Variants in NANOG observed in about 807,000 individuals in gnomAD.
NANOG encodes Nanog homeobox, also known as homeobox protein NANOG.
In NANOG, 2 loss-of-function variants were observed where a neutral mutation model predicts 17.7. The ratio of observed to expected loss-of-function variants is 0.11; its 90% CI spans 0.05 to 0.36. NANOG has a LOEUF of 0.36. NANOG is among the 10% of genes least tolerant of loss of function. NANOG has a pLI of 1.00. For synonymous variants in NANOG, 81 were observed against 124.7 expected (o/e 0.65, Z 2.33); for missense variants, 174 against 362.1 (o/e 0.48, Z 4.22).
At position 7,797,422 on chromosome 12, in the gene NANOG, A is replaced by G. The variant is rs1473013384; in HGVS notation, c.*2327A>G. 2.0e-5 allele frequency: 3 copies of G among 146,854 alleles called. No homozygotes were observed. The highest frequency in any genetic ancestry group is 2.2e-4 in the South Asian group (1 of 4,614). The allele number at this position is 146,854 out of a possible 1,614,324, so 9.1% of individuals were successfully genotyped here. On this transcript the variant is annotated 3_prime_UTR_variant, in exon 4 of 4. Coordinates refer to ENST00000229307, the MANE Select transcript of NANOG (RefSeq NM_024865.4). ...ACTCAGGCTGGAGCACAATGATGCAATCTCTACTCACTGCAACCTGCACCT... is the reference window on the plus strand; with the variant it reads ...ACTCAGGCTGGAGCACAATGATGCAGTCTCTACTCACTGCAACCTGCACCT...
In NANOG at chr12:7,792,996, T is replaced by A; in HGVS notation, c.198T>A (p.Pro66=). The stretch of plus-strand genomic sequence containing the variant: ...TGGATCTGCTTATTCAGGACAGCCC[T>A]GATTCTTCCACCAGTCCCAAAGGCA... The part of the protein sequence containing the change: ...SSMDLLIQDS[P]DSSTSPKGKQ... Residue 66 remains proline (P), a synonymous_variant, in exon 2 of 4, where the codon CCT becomes CCA. Coordinates refer to ENST00000229307, the MANE Select transcript of NANOG (RefSeq NM_024865.4). The A allele has an allele frequency of 6.2e-7, 1 of 1,610,172 alleles. No individual in the cohort carries two copies. Among genetic ancestry groups the A allele is most frequent in the Non-Finnish European group, 8.5e-7 (1 of 1,178,068 alleles).
intron 2 of NANOG, among the ~76,000 whole-genome samples, 169 bp from the exon 3 acceptor site, chr12:7,794,288 G>A (rs1862885801): frequency 1.3e-5 from 2 of 152,242 alleles, no homozygotes; most frequent in South Asian, 4.1e-4. Flanking sequence ...TGGCTAGCCT[G>A]TAGCGAACTC....
chr12:7,793,155 C>T lies in NANOG; in HGVS notation c.357C>T (p.Tyr119=), dbSNP rs1372581437. The T allele has an allele frequency of 6.2e-7, 1 of 1,611,730 alleles. No homozygotes were observed. The highest frequency in any genetic ancestry group is 1.7e-5 in the Admixed American group (1 of 59,906). ...VLNDRFQRQK[Y]LSLQQMQELS... Reference sequence around the variant, plus strand: ...ATGATAGATTTCAGAGACAGAAATACCTCAGCCTCCAGCAGATGCAAGAAC... The same window carrying T: ...ATGATAGATTTCAGAGACAGAAATATCTCAGCCTCCAGCAGATGCAAGAAC... Residue 119 remains tyrosine (Y), a synonymous_variant, in exon 2 of 4, where the codon TAC becomes TAT. Coordinates refer to ENST00000229307, the MANE Select transcript of NANOG (RefSeq NM_024865.4).
rs1197089938 is a variant in NANOG at position 7,797,862 on chromosome 12, T to C, written c.*2767T>C. 2.0e-5 allele frequency: 3 copies of C among 152,082 alleles called. No homozygotes were observed. Among genetic ancestry groups the C allele is most frequent in the Non-Finnish European group, 4.4e-5 (3 of 68,090 alleles). 9.4% of individuals were successfully genotyped at this position (152,082 alleles called of 1,614,324 possible). A position where few individuals can be genotyped will look rare whatever the true frequency, so the allele number is the denominator to read the frequency against. ...GAGACGGGGTTTCCCCATGTTGGCC[T>C]GGCTAGTCTCAAACTCCTGAGCTCA... On this transcript the variant is annotated 3_prime_UTR_variant, in exon 4 of 4. Transcript: ENST00000229307.
intron 2 of NANOG, among the ~76,000 whole-genome samples, chr12:7,794,234 C>T (rs937682608): frequency 3.5e-5 from 5 of 143,480 alleles, no homozygotes; most frequent in Admixed American, 7.4e-5. Flanking sequence ...GCATTACACC[C>T]GGCTAATTTT....
Position 7,789,478 on chromosome 12 carries a change from A to C in NANOG, c.-137A>C, listed in dbSNP as rs1024141934. ...CCTCATGTTATTATGCAGGCAACTC[A>C]CTTTATCCCAATTTCTTGATACTTT... On this transcript the variant is annotated 5_prime_UTR_variant, in exon 1 of 4. Transcript: ENST00000229307. 2.8e-6 allele frequency: 2 copies of C among 706,608 alleles called. No individual in the cohort carries two copies. The highest frequency in any genetic ancestry group is 3.6e-5 in the African/African-American group (2 of 55,738). 43.8% of individuals were successfully genotyped at this position (706,608 alleles called of 1,614,324 possible). A position where few individuals can be genotyped will look rare whatever the true frequency, so the allele number is the denominator to read the frequency against.
rs1862864526 is a variant in NANOG at position 7,793,054 on chromosome 12, A to G, written c.256A>G (p.Lys86Glu). ...CACTTCTGCAGAGAAGAGTGTCGCA[A>G]AAAAGGAAGACAAGGTCCCGGTCAA... ...QPTSAEKSVA[K>E]KEDKVPVKKQ... Residue 86 changes from lysine (K) to glutamate (E), a missense_variant, in exon 2 of 4, where the codon AAA becomes GAA. Physicochemically the swap from Lys to Glu is moderately conservative, Grantham distance 56. This residue lies in a region of NANOG where 158 missense variants were observed against 244.2 expected (regional missense o/e 0.65). Transcript: ENST00000229307. 5 of 1,610,068 alleles carry G rather than the reference A, an allele frequency of 3.1e-6. No individual in the cohort carries two copies. Among genetic ancestry groups the G allele is most frequent in the Middle Eastern group, 1.7e-4 (1 of 5,976 alleles).
Position 7,795,254 on chromosome 12 carries a change from G to A in NANOG, c.*159G>A, listed in dbSNP as rs1456388716. 2 of 601,498 alleles carry A rather than the reference G, an allele frequency of 3.3e-6. No individual in the cohort carries two copies. Among genetic ancestry groups the A allele is most frequent in the Non-Finnish European group, 5.9e-6 (2 of 340,070 alleles). The allele number at this position is 601,498 out of a possible 1,614,324, so 37.3% of individuals were successfully genotyped here. On this transcript the variant is annotated 3_prime_UTR_variant, in exon 4 of 4. Coordinates refer to ENST00000229307, the MANE Select transcript of NANOG (RefSeq NM_024865.4). Reference sequence around the variant, plus strand: ...TCAATCTCATGGAGGGTGGAGTATGGTTGGAGCCTAATCAGCGAGGTTTCT... The same window carrying A: ...TCAATCTCATGGAGGGTGGAGTATGATTGGAGCCTAATCAGCGAGGTTTCT...
chr12:7,791,323 C>G (rs1193356756), intron 1 of NANOG, among the ~76,000 whole-genome samples: 1 of 151,938 alleles, frequency 6.6e-6, no homozygotes, highest in East Asian at 1.9e-4. Context: ...GTTGGCCAGG[C>G]TGGTCTCAAA....
At chr12:7,791,007 G>C (rs577595709) in intron 1 of NANOG, among the ~76,000 whole-genome samples, 15 of 151,884 alleles carry the variant, frequency 9.9e-5, no homozygotes, top group Non-Finnish European at 2.1e-4. Context: ...AGCTTCCCAA[G>C]TCGCTGGGAT....
At chr12:7,791,051 C>A (rs778891071) in intron 1 of NANOG, among the ~76,000 whole-genome samples, 38 of 152,112 alleles carry the variant, frequency 2.5e-4, no homozygotes, top group Admixed American at 2.3e-3. Context: ...TGGCTATTCA[C>A]CCAGTTTTTC....
In NANOG at chr12:7,797,980, T is replaced by C. The variant is rs1421561340; in HGVS notation, c.*2885T>C. ...TATTATGTTTTCTGAACTTTTTTTT[T>C]TTTAATCACCCAGTATTAATCTTCA... On this transcript the variant is annotated 3_prime_UTR_variant, in exon 4 of 4. Transcript: ENST00000229307. The C allele has an allele frequency of 6.6e-6, 1 of 151,970 alleles. No individual in the cohort carries two copies. The highest frequency in any genetic ancestry group is 1.5e-5 in the Non-Finnish European group (1 of 68,048). The allele number at this position is 151,970 out of a possible 1,614,324, so 9.4% of individuals were successfully genotyped here. A position where few individuals can be genotyped will look rare whatever the true frequency, so the allele number is the denominator to read the frequency against.
chr12:7,790,294 T>C (rs1262349028), intron 1 of NANOG, among the ~76,000 whole-genome samples: 1 of 152,218 alleles, frequency 6.6e-6, no homozygotes, highest in Non-Finnish European at 1.5e-5. Flanking sequence ...CTCCATTCTC[T>C]GGGTTTGTGG....
chr12:7,789,619 G>C lies in NANOG; in HGVS notation c.5G>C (p.Ser2Thr), dbSNP rs142192505. 4.3e-5 allele frequency: 69 copies of C among 1,613,498 alleles called. No homozygotes were observed. The South Asian group carries it at 6.8e-4, about 16-fold the overall frequency. M[S>T]VDPACPQSLP... ...CTCCTCTTCCTCTATACTAACATGA[G>C]TGTGGATCCAGCTTGTCCCCAAAGC... Residue 2 changes from serine to threonine, a missense_variant, in exon 1 of 4, where the codon AGT becomes ACT. By Grantham distance (58) the Ser-to-Thr change is moderately conservative. Transcript: ENST00000229307.
rs766964000 is a variant in NANOG, at chr12:7,794,799, A to G, written c.622A>G (p.Asn208Asp). 12 of 1,553,686 alleles carry G rather than the reference A, an allele frequency of 7.7e-6. No individual in the cohort carries two copies. The East Asian group carries it at 1.8e-4, about 23-fold the overall frequency. ...GACCTGGAACAATTCAACCTGGAGCAACCAGACCCAGAACATCCAGTCCTG... is the reference window on the plus strand; with the variant it reads ...GACCTGGAACAATTCAACCTGGAGCGACCAGACCCAGAACATCCAGTCCTG... The part of the protein sequence containing the change: ...NQTWNNSTWS[N>D]QTQNIQSWSN... Residue 208 changes from asparagine (N) to aspartate (D), a missense_variant, in exon 4 of 4, where the codon AAC becomes GAC. Physicochemically the swap from Asn to Asp is conservative, Grantham distance 23. Transcript: ENST00000229307.
chr12:7,789,908 C>T (rs763120039), intron 1 of NANOG, 143 bp downstream of exon 1: 1 of 882,112 alleles, frequency 1.1e-6, no homozygotes, highest in African/African-American at 1.7e-5. Flanking sequence ...CCTCTGGAAA[C>T]CCCTTTTTCC....
intron 1 of NANOG, 77 bp from the exon 2 acceptor site, chr12:7,792,873 G>T: frequency 7.0e-7 from 1 of 1,438,616 alleles, no homozygotes; most frequent in South Asian, 1.4e-5. Flanking sequence ...AAAGTACTTT[G>T]AAAACAATTT....
Position 7,794,833 on chromosome 12 carries a change from A to T in NANOG, c.656A>T (p.His219Leu). The change falls in exon 4 of 4, where the codon CAC becomes CTC. Residue 219 changes from histidine to leucine, a missense_variant. Coordinates refer to ENST00000229307, the MANE Select transcript of NANOG (RefSeq NM_024865.4). ...QTQNIQSWSN[H>L]SWNTQTWCTQ... The stretch of plus-strand genomic sequence containing the variant: ...CAGAACATCCAGTCCTGGAGCAACC[A>T]CTCCTGGAACACTCAGACCTGGTGC... 6.7e-7 allele frequency: 1 copy of T among 1,487,670 alleles called. No individual in the cohort carries two copies. Among genetic ancestry groups the T allele is most frequent in the Non-Finnish European group, 9.2e-7 (1 of 1,081,642 alleles). The allele number at this position is 1,487,670 out of a possible 1,614,324, so 92.2% of individuals were successfully genotyped here.
intron 1 of NANOG, among the ~76,000 whole-genome samples, chr12:7,790,359 G>C (rs1300393720): frequency 2.0e-5 from 3 of 152,172 alleles, no homozygotes; most frequent in Non-Finnish European, 2.9e-5. Flanking sequence ...ATTCTCCTAA[G>C]TCCTGGGAAG....
Sources: gnomAD v4.1 joint callset for allele counts (sites outside exome capture counted in the v4.1 genomes callset) on GRCh38, gnomAD v4.1.1 for gene constraint, gnomAD v4.1.1 regional missense constraint, MANE v1.5 for transcripts, NCBI Gene and HGNC (gene_info 2026-07-23, HGNC 2026-07-21) for gene names.